Variants in PTPRK observed in about 807,000 individuals in gnomAD.
PTPRK encodes the protein receptor-type tyrosine-protein phosphatase kappa.
PTPRK carries 75 observed loss-of-function variants against 178.0 expected under a neutral mutation model. The ratio of observed to expected loss-of-function variants is 0.42; its 90% CI spans 0.35 to 0.51. PTPRK has a LOEUF of 0.51. Among genes scored for constraint, PTPRK ranks in the 20% least tolerant of loss-of-function variants. The pLI, the probability that PTPRK is intolerant of heterozygous loss-of-function variation, is 0.02. For synonymous variants in PTPRK, 637 were observed against 620.6 expected, an observed-to-expected ratio of 1.03 and a Z score of -0.39; for missense variants, 1,441 against 1,797.8, an observed-to-expected ratio of 0.80 and a Z score of 3.59.
chr6:128,056,161 T>TC (rs1000433226), intron 13 of PTPRK, among the ~76,000 whole-genome samples: 2 of 151,920 alleles, frequency 1.3e-5, no homozygotes, highest in African/African-American at 4.8e-5. Flanking sequence ...CACTTTGTTT[T>TC]CCCCTCCCTC....
intron 1 of PTPRK, among the ~76,000 whole-genome samples, chr6:128,430,920 G>A (rs543619324): frequency 8.6e-5 from 13 of 151,298 alleles, no homozygotes; most frequent in Non-Finnish European, 1.6e-4. Context: ...ATTAGTCAAC[G>A]TGTGATTTTT....
intron 7 of PTPRK, among the ~76,000 whole-genome samples, chr6:128,154,737 T>A (rs2114577233): frequency 6.6e-6 from 1 of 151,914 alleles, no homozygotes; most frequent in Admixed American, 6.6e-5. Context: ...AATTTCCAGC[T>A]TTTATAAATT....
In PTPRK at chr6:128,467,340, G is replaced by A. The variant is rs1849989321; in HGVS notation, c.100+52919C>T. 2.6e-5 allele frequency among the ~76,000 whole-genome samples: 4 copies of A among 152,138 alleles called. No individual in the cohort carries two copies. In the South Asian group the frequency reaches 6.2e-4, roughly 24 times the overall value. ...TGCTAATGTTACTCAGTTTGATGTT[G>A]AGAGGGTAAGATAAATATCACATAC... On this transcript the variant is annotated intron_variant, in intron 1 of 29. Coordinates refer to ENST00000368226, the MANE Select transcript of PTPRK (RefSeq NM_002844.4).
intron 7 of PTPRK, among the ~76,000 whole-genome samples, chr6:128,092,819 A>G (rs1311308060): frequency 1.3e-5 from 2 of 152,180 alleles, no homozygotes; most frequent in South Asian, 2.1e-4. Context: ...TACCTAACCA[A>G]CAACTGCATT....
intron 2 of PTPRK, among the ~76,000 whole-genome samples, chr6:128,335,967 A>G (rs2128328164): frequency 1.3e-5 from 2 of 152,252 alleles, no homozygotes; most frequent in East Asian, 3.9e-4. Flanking sequence ...TGAAAAACAA[A>G]ATTTAAAAAA....
At chr6:128,515,378 C>CTT (rs935284033) in intron 1 of PTPRK, among the ~76,000 whole-genome samples, 1 of 148,774 alleles carries the variant, frequency 6.7e-6, no homozygotes, top group Admixed American at 6.7e-5. Flanking sequence ...ATGTCTTGTA[C>CTT]TTTTTTTTTT....
At chr6:128,054,978 T>A (rs1779655993) in intron 13 of PTPRK, among the ~76,000 whole-genome samples, 1 of 152,204 alleles carries the variant, frequency 6.6e-6, no homozygotes, top group African/African-American at 2.4e-5. Flanking sequence ...CTGTATGACT[T>A]TTATTTCTAT....
chr6:128,086,029 C>A (rs1278690829), intron 8 of PTPRK, among the ~76,000 whole-genome samples: 1 of 152,200 alleles, frequency 6.6e-6, no homozygotes, highest in African/African-American at 2.4e-5. Flanking sequence ...TATGAAGTTA[C>A]TAAAACCATT....
intron 7 of PTPRK, among the ~76,000 whole-genome samples, chr6:128,139,600 T>C (rs2114502661): frequency 6.6e-6 from 1 of 152,146 alleles, no homozygotes; most frequent in Admixed American, 6.6e-5. Flanking sequence ...ATCTCTTTTC[T>C]CCTTTCCCCT....
intron 1 of PTPRK, among the ~76,000 whole-genome samples, chr6:128,426,087 G>C (rs971710119): frequency 2.6e-5 from 4 of 152,048 alleles, no homozygotes; most frequent in African/African-American, 9.7e-5. Flanking sequence ...GTTATCTCTT[G>C]GGACTAGTAT....
chr6:128,236,215 G>GA (rs1336034985), intron 5 of PTPRK, among the ~76,000 whole-genome samples: 3 of 151,690 alleles, frequency 2.0e-5, no homozygotes, highest in African/African-American at 7.3e-5. Flanking sequence ...TGTTCATGTG[G>GA]AAAAAATTTA....
chr6:128,302,413 A>C (rs969872012), intron 3 of PTPRK, among the ~76,000 whole-genome samples: 1 of 150,932 alleles, frequency 6.6e-6, no homozygotes, highest in Non-Finnish European at 1.5e-5. Context: ...AAAAAAAAAA[A>C]AAAAGCCAGG....
chr6:128,086,361 A>AT (rs969273473), intron 8 of PTPRK, among the ~76,000 whole-genome samples: 14 of 151,446 alleles, frequency 9.2e-5, no homozygotes, highest in Non-Finnish European at 2.9e-5. Flanking sequence ...TATAATATTG[A>AT]TTTTTTGAAT....
At chr6:128,418,100 T>C (rs74863805) in intron 1 of PTPRK, among the ~76,000 whole-genome samples, 3,887 of 152,324 alleles carry the variant, frequency 0.026, 160 homozygotes, top group African/African-American at 0.088. Flanking sequence ...TTTTTGCCAA[T>C]GCTAGGCTTT....
At chr6:128,116,523 G>C (rs897745862) in intron 7 of PTPRK, among the ~76,000 whole-genome samples, 93 of 152,266 alleles carry the variant, frequency 6.1e-4, no homozygotes, top group African/African-American at 2.1e-3. Context: ...TGGCAGATAA[G>C]ACATGGTGCA....
At chr6:128,420,149 G>T (rs551424798) in intron 1 of PTPRK, among the ~76,000 whole-genome samples, 91 of 152,212 alleles carry the variant, frequency 6.0e-4, no homozygotes, top group African/African-American at 2.1e-3. Flanking sequence ...GTAGCTACCT[G>T]TTCTTCCCCA....
intron 15 of PTPRK, chr6:128,000,056 T>C (rs563147607): frequency 1.0e-6 from 1 of 968,812 alleles, no homozygotes; most frequent in East Asian, 1.1e-4. Flanking sequence ...ATGCTCATAT[T>C]TATCACATTT....
intron 13 of PTPRK, among the ~76,000 whole-genome samples, chr6:128,017,776 ATAC>A: frequency 7.9e-6 from 1 of 126,340 alleles, no homozygotes; most frequent in Non-Finnish European, 1.6e-5. Context: ...ATAAATATTT[ATAC>A]ATATATAAAT....
intron 18 of PTPRK, 61 bp downstream of exon 18, chr6:127,995,401 G>A (rs769090395): frequency 1.1e-5 from 16 of 1,476,386 alleles, no homozygotes; most frequent in Admixed American, 3.5e-5. Context: ...TAGGTAATAA[G>A]CAAAAAGGTT....
Sources: gnomAD v4.1 joint callset for allele counts (sites outside exome capture counted in the v4.1 genomes callset) on GRCh38, gnomAD v4.1.1 for gene constraint, MANE v1.5 for transcripts, NCBI Gene and HGNC (gene_info 2026-07-23, HGNC 2026-07-21) for gene names.